Variants in RFX3 observed in about 807,000 individuals in gnomAD.
RFX3 encodes the protein transcription factor RFX3.
Under a neutral mutation model 98.6 loss-of-function variants are expected in RFX3, and 14 were observed. That is an observed-to-expected ratio of 0.14 (90% CI 0.09 to 0.22). The LOEUF is 0.22. Ranked by LOEUF, RFX3 falls within the 10% of genes least tolerant of loss-of-function variation. The pLI, the probability that RFX3 is intolerant of heterozygous loss-of-function variation, is 1.00. For synonymous variants in RFX3, 383 were observed against 328.4 expected (o/e 1.17, Z -1.80); for missense variants, 639 against 926.9 (o/e 0.69, Z 4.03).
chr9:3,330,585 A>T, intron 3 of RFX3, 68 bp from the exon 4 acceptor site: 1 of 1,415,696 alleles, frequency 7.1e-7, no homozygotes, highest in Non-Finnish European at 9.6e-7. Context: ...TTTTTCTAAT[A>T]TGAATGTAAT....
chr9:3,363,308 A>C (rs1836673701), intron 2 of RFX3, among the ~76,000 whole-genome samples: 1 of 152,202 alleles, frequency 6.6e-6, no homozygotes, highest in East Asian at 1.9e-4. Flanking sequence ...GCACATCAAA[A>C]TATCTAACTA....
At chr9:3,376,054 A>C (rs966718935) in intron 2 of RFX3, among the ~76,000 whole-genome samples, 4 of 152,216 alleles carry the variant, frequency 2.6e-5, no homozygotes, top group African/African-American at 9.6e-5. Context: ...AAAGATATTA[A>C]GATATACAGT....
At chr9:3,310,421 G>C (rs1307526383) in intron 4 of RFX3, among the ~76,000 whole-genome samples, 1 of 152,270 alleles carries the variant, frequency 6.6e-6, no homozygotes, top group South Asian at 2.1e-4. Flanking sequence ...GTCAAGGCAT[G>C]TTCTCTCGAC....
intron 2 of RFX3, among the ~76,000 whole-genome samples, chr9:3,369,882 T>G (rs912706578): frequency 2.0e-5 from 3 of 151,954 alleles, no homozygotes; most frequent in Non-Finnish European, 4.4e-5. Flanking sequence ...CAGGCTGGAG[T>G]GCGGTGGCGC....
chr9:3,376,017 G>T (rs1346058182), intron 2 of RFX3, among the ~76,000 whole-genome samples: 1 of 152,034 alleles, frequency 6.6e-6, no homozygotes, highest in Non-Finnish European at 1.5e-5. Context: ...AAAGTAGAAA[G>T]GGAAGAATAG....
chr9:3,225,324 A>C, intron 16 of RFX3, 44 bp from the exon 17 acceptor site: 1 of 1,602,306 alleles, frequency 6.2e-7, no homozygotes, highest in Non-Finnish European at 8.5e-7. Flanking sequence ...AAGACAAATT[A>C]GAAAATAGCA....
At chr9:3,403,960 T>C (rs1440791408) in intron 1 of RFX3, among the ~76,000 whole-genome samples, 1 of 152,202 alleles carries the variant, frequency 6.6e-6, no homozygotes, top group African/African-American at 2.4e-5. Flanking sequence ...TTTTTTTCTC[T>C]CATCTCTTTT....
chr9:3,225,268 T>A lies in RFX3; in HGVS notation c.2024A>T (p.Glu675Val). Reference protein sequence around the residue: ...PGNLDKDEGSEVESEMDEELD... With the variant: ...PGNLDKDEGSVVESEMDEELD... Reference sequence around the variant, plus strand: ...TTCTTCATCCATTTCACTTTCTACTTCACTGCCTTCATCTGCACAAACAAA... The same window carrying A: ...TTCTTCATCCATTTCACTTTCTACTACACTGCCTTCATCTGCACAAACAAA... The change falls in exon 17 of 17, where the codon GAA becomes GTA. Residue 675 changes from glutamate (E) to valine (V), a missense_variant. Physicochemically the swap from Glu to Val is moderately radical, Grantham distance 121. Coordinates refer to ENST00000617270, the MANE Select transcript of RFX3 (RefSeq NM_001282116.2). 1 of 1,613,546 alleles carries A rather than the reference T, an allele frequency of 6.2e-7. No homozygotes were observed. Among genetic ancestry groups the A allele is most frequent in the Admixed American group, 1.7e-5 (1 of 59,936 alleles).
chr9:3,412,968 G>A (rs947098471), intron 1 of RFX3, among the ~76,000 whole-genome samples: 1 of 152,148 alleles, frequency 6.6e-6, no homozygotes, highest in South Asian at 2.1e-4. Context: ...ATTCTAATAT[G>A]TTTTATATTG....
rs576444284 is a variant in RFX3 at position 3,402,938 on chromosome 9, A to G, written c.-8-7342T>C. Among the ~76,000 whole-genome samples, 51 of 152,150 alleles carry G rather than the reference A, an allele frequency of 3.4e-4. 2 individuals are homozygous for G. The South Asian group carries it at 0.01, about 30-fold the overall frequency. ...CAACAACAAAAAAACACCTAAGGAC[A>G]TTAGGCATCTTCTAGAAAGACGATG... On this transcript the variant is annotated intron_variant, in intron 1 of 16. Transcript: ENST00000617270.
chr9:3,343,527 A>T (rs942355482), intron 3 of RFX3, among the ~76,000 whole-genome samples: 1 of 152,222 alleles, frequency 6.6e-6, no homozygotes, highest in African/African-American at 2.4e-5. Context: ...AAATTATAAT[A>T]GTCAAATGTC....
intron 1 of RFX3, among the ~76,000 whole-genome samples, chr9:3,475,438 C>G (rs1164917374): frequency 6.6e-6 from 1 of 151,892 alleles, no homozygotes; most frequent in Non-Finnish European, 1.5e-5. Flanking sequence ...TGAGTCATCT[C>G]CAATGATTGA....
intron 1 of RFX3, among the ~76,000 whole-genome samples, chr9:3,414,489 A>G (rs890415570): frequency 6.6e-6 from 1 of 151,020 alleles, no homozygotes; most frequent in African/African-American, 2.4e-5. Context: ...TAACATATAT[A>G]TATGTGTATA....
At chr9:3,226,612 A>C (rs1042435712) in intron 16 of RFX3, among the ~76,000 whole-genome samples, 1 of 152,234 alleles carries the variant, frequency 6.6e-6, no homozygotes, top group Non-Finnish European at 1.5e-5. Context: ...GACTTTATCA[A>C]GTTACCTATT....
At chr9:3,423,148 A>G (rs1449840837) in intron 1 of RFX3, among the ~76,000 whole-genome samples, 9 of 152,204 alleles carry the variant, frequency 5.9e-5, no homozygotes, top group Admixed American at 5.9e-4. Flanking sequence ...CTTTAAAACA[A>G]TGAGTAGATA....
At chr9:3,368,329 T>G (rs1387997069) in intron 2 of RFX3, among the ~76,000 whole-genome samples, 1 of 152,184 alleles carries the variant, frequency 6.6e-6, no homozygotes, top group Non-Finnish European at 1.5e-5. Context: ...GTGTTTCTAT[T>G]CTATCTGAAT....
intron 1 of RFX3, 68 bp from the exon 2 acceptor site, chr9:3,395,664 G>C: frequency 6.5e-7 from 1 of 1,546,806 alleles, no homozygotes; most frequent in Non-Finnish European, 8.9e-7. Flanking sequence ...CCTTACAATT[G>C]TTCTTAAAAT....
chr9:3,373,025 C>T (rs1034890266), intron 2 of RFX3, among the ~76,000 whole-genome samples: 22 of 152,224 alleles, frequency 1.4e-4, no homozygotes, highest in East Asian at 9.6e-4. Context: ...AAAATAATAT[C>T]AAAACAGGTA....
chr9:3,366,707 T>TTTCTTTC (rs1430461574), intron 2 of RFX3, among the ~76,000 whole-genome samples: 2 of 125,224 alleles, frequency 1.6e-5, no homozygotes, highest in East Asian at 2.6e-4. Context: ...TCTTTCTTTC[T>TTTCTTTC]TTCTTTCTTT....
Sources: allele counts gnomAD v4.1 joint callset (sites outside exome capture counted in the v4.1 genomes callset), GRCh38; gene constraint gnomAD v4.1.1; transcripts MANE v1.5; gene names NCBI Gene and HGNC (gene_info 2026-07-23, HGNC 2026-07-21).